Variants in SGCD observed in about 807,000 individuals in gnomAD.
The protein encoded by SGCD is delta-sarcoglycan.
SGCD carries 18 observed loss-of-function variants against 36.6 expected under a neutral mutation model. That is an observed-to-expected ratio of 0.49 (90% CI 0.34 to 0.73). The LOEUF (loss-of-function observed/expected upper bound fraction) is 0.73. Ranked by LOEUF, SGCD falls within the 30% of genes least tolerant of loss-of-function variation. The probability of loss-of-function intolerance (pLI) is 0.01; values close to 1 mark genes in which losing one functional copy is unlikely to be tolerated. For synonymous variants in SGCD, 133 were observed against 130.6 expected (o/e 1.02, Z -0.12); for missense variants, 387 against 346.7 (o/e 1.12, Z -0.92).
intron 3 of SGCD, among the ~76,000 whole-genome samples, chr5:156,159,794 A>C (rs916998733): frequency 1.3e-5 from 2 of 151,630 alleles, no homozygotes; most frequent in Non-Finnish European, 2.9e-5. Flanking sequence ...TAAAGTTTTT[A>C]TTTAATATAT....
In SGCD at chr5:156,151,110, A is replaced by C. The variant is rs764710511; in HGVS notation, c.-44+27091A>C. 7.2e-5 allele frequency among the ~76,000 whole-genome samples: 11 copies of C among 151,754 alleles called. 1 individual carries two copies. Among genetic ancestry groups the C allele is most frequent in the Non-Finnish European group, 1.3e-4 (9 of 68,040 alleles). On this transcript the variant is annotated intron_variant, in intron 3 of 9. Coordinates refer to the SGCD transcript ENST00000517913. Reference sequence around the variant, plus strand: ...AATCTAGATACATCAGGGGGAGCCAATGGAGATAGATGGTAAAAAGAAGTG... The same window carrying C: ...AATCTAGATACATCAGGGGGAGCCACTGGAGATAGATGGTAAAAAGAAGTG...
At chr5:155,833,471 G>C in the SGCD span, among the ~76,000 whole-genome samples, 1 of 152,156 alleles carries the variant, frequency 6.6e-6, no homozygotes, top group Non-Finnish European at 1.5e-5. Flanking sequence ...CTTTCCAATA[G>C]AGGGTGCTGC....
intron 1 of SGCD, among the ~76,000 whole-genome samples, chr5:155,993,832 G>A (rs892078018): frequency 6.6e-6 from 1 of 152,168 alleles, no homozygotes; most frequent in Non-Finnish European, 1.5e-5. Context: ...CAAGGCAGAA[G>A]TGCACAGCGT....
Position 155,878,526 on chromosome 5 carries a change from G to A in SGCD, c.-282+8102G>A, listed in dbSNP as rs138356896. On this transcript the variant is annotated intron_variant, in intron 1 of 9. Transcript: ENST00000517913. ...ATCATATTGGCAAAAATTGGGTCACGAGTCTAAGCCTAAAGCAGTTAATTT... is the reference window on the plus strand; with the variant it reads ...ATCATATTGGCAAAAATTGGGTCACAAGTCTAAGCCTAAAGCAGTTAATTT... Among the ~76,000 whole-genome samples, 192 of 151,970 alleles carry A rather than the reference G, an allele frequency of 1.3e-3. 1 individual carries two copies. Among genetic ancestry groups the A allele is most frequent in the African/African-American group, 3.5e-3 (143 of 41,446 alleles).
chr5:156,517,623 C>T (rs1234884093), intron 4 of SGCD, among the ~76,000 whole-genome samples: 1 of 152,062 alleles, frequency 6.6e-6, no homozygotes, highest in African/African-American at 2.4e-5. Flanking sequence ...CAAAAGAAGC[C>T]CATCAGACTA....
At chr5:156,494,599 AAT>A (rs1756096579) in intron 3 of SGCD, among the ~76,000 whole-genome samples, 1 of 152,188 alleles carries the variant, frequency 6.6e-6, no homozygotes, top group Non-Finnish European at 1.5e-5. Context: ...GAAGTCTTAG[AAT>A]ATAAAATGTA....
intron 3 of SGCD, among the ~76,000 whole-genome samples, chr5:156,403,488 G>A (rs1046033143): frequency 7.2e-5 from 11 of 152,272 alleles, no homozygotes; most frequent in Non-Finnish European, 1.2e-4. Flanking sequence ...CTGACTCGCC[G>A]AGATGATTGT....
chr5:156,142,813 G>A (rs1762610590), intron 3 of SGCD, among the ~76,000 whole-genome samples: 2 of 152,116 alleles, frequency 1.3e-5, no homozygotes, highest in African/African-American at 2.4e-5. Context: ...ACCTGAAACT[G>A]GAATTTAAAT....
chr5:156,412,997 C>A (rs1209521208), intron 3 of SGCD, among the ~76,000 whole-genome samples: 1 of 151,662 alleles, frequency 6.6e-6, no homozygotes, highest in Non-Finnish European at 1.5e-5. Context: ...CGGGGTTTCA[C>A]CTTGTTAGCC....
chr5:156,345,307 C>T (rs1768889936), intron 3 of SGCD, among the ~76,000 whole-genome samples: 1 of 151,540 alleles, frequency 6.6e-6, no homozygotes, highest in African/African-American at 2.4e-5. Flanking sequence ...GTTTGGGGTC[C>T]CTGTACAGAC....
rs1302802371 is a variant in SGCD at position 156,101,974 on chromosome 5, G to A, written c.-281-15904G>A. On this transcript the variant is annotated intron_variant, in intron 1 of 9. Transcript: ENST00000517913. Reference sequence around the variant, plus strand: ...AGAGAGAGAGAGAGAGAGAGAAGCTGTGAGTTGGTGGTAGTACTTGTTATA... The same window carrying A: ...AGAGAGAGAGAGAGAGAGAGAAGCTATGAGTTGGTGGTAGTACTTGTTATA... Among the ~76,000 whole-genome samples, 4 of 150,956 alleles carry A rather than the reference G, an allele frequency of 2.6e-5. No individual in the cohort carries two copies. In the East Asian group the frequency reaches 7.8e-4, roughly 29 times the overall value.
At chr5:156,096,537 G>A (rs756008752) in intron 1 of SGCD, among the ~76,000 whole-genome samples, 1 of 152,082 alleles carries the variant, frequency 6.6e-6, no homozygotes, top group Non-Finnish European at 1.5e-5. Context: ...GCCCCATCTG[G>A]TGAATGGGCT....
At position 156,608,390 on chromosome 5, in the gene SGCD, TG is replaced by T. The variant is rs1329509865; in HGVS notation, c.502+13340del. Among the ~76,000 whole-genome samples the T allele has an allele frequency of 7.8e-4, 119 of 152,358 alleles. 1 individual carries two copies. Among genetic ancestry groups the T allele is most frequent in the Non-Finnish European group, 1.2e-4 (8 of 68,036 alleles). On this transcript the variant is annotated intron_variant, in intron 6 of 8. Coordinates refer to ENST00000337851, the MANE Select transcript of SGCD (RefSeq NM_000337.6). ...TCTTAATCCTGAGTTCTAGTTTGAT[TG>T]CACTGTGGTCTGAGAGACAGTTTGT...
chr5:156,268,759 A>G (rs1160721131), intron 3 of SGCD, among the ~76,000 whole-genome samples: 1 of 151,940 alleles, frequency 6.6e-6, no homozygotes, highest in Non-Finnish European at 1.5e-5. Flanking sequence ...CGCCTGGCAA[A>G]TTTTTGTGTT....
intron 3 of SGCD, among the ~76,000 whole-genome samples, chr5:156,392,393 T>C (rs1417235181): frequency 6.6e-6 from 1 of 152,128 alleles, no homozygotes; most frequent in Non-Finnish European, 1.5e-5. Flanking sequence ...GGACGTTCCA[T>C]GAGGGTGTGG....
chr5:156,401,609 T>C (rs565786079), intron 3 of SGCD, among the ~76,000 whole-genome samples: 1 of 152,298 alleles, frequency 6.6e-6, no homozygotes, highest in East Asian at 1.9e-4. Flanking sequence ...AGTTGGTTAA[T>C]TAGATATTTA....
chr5:155,929,743 A>C (rs572555183), intron 1 of SGCD, among the ~76,000 whole-genome samples: 1 of 152,302 alleles, frequency 6.6e-6, no homozygotes, highest in Non-Finnish European at 1.5e-5. Flanking sequence ...CTCTTTTCCT[A>C]GTTCCATTTA....
At chr5:156,184,372 T>TTTTTG (rs1479875476) in intron 3 of SGCD, among the ~76,000 whole-genome samples, 1 of 58,360 alleles carries the variant, frequency 1.7e-5, no homozygotes, top group African/African-American at 1.2e-4. Flanking sequence ...AAGCAGCCAG[T>TTTTTG]TTTTTTTTTT....
chr5:156,099,046 C>T (rs1366732703), intron 1 of SGCD, among the ~76,000 whole-genome samples: 1 of 152,224 alleles, frequency 6.6e-6, no homozygotes, highest in Non-Finnish European at 1.5e-5. Flanking sequence ...CTTCCCTCCT[C>T]ATGCCCCCAA....
Sources: allele counts gnomAD v4.1 joint callset (sites outside exome capture counted in the v4.1 genomes callset), GRCh38; gene constraint gnomAD v4.1.1; transcripts MANE v1.5; gene names NCBI Gene and HGNC (gene_info 2026-07-23, HGNC 2026-07-21).